PDGFC: variants seen among roughly 807,000 people sequenced by gnomAD.
PDGFC encodes the protein platelet-derived growth factor C.
Under a neutral mutation model 35.5 loss-of-function variants are expected in PDGFC, and 12 were observed. The ratio of observed to expected loss-of-function variants is 0.34; its 90% confidence interval spans 0.22 to 0.55. PDGFC has a LOEUF of 0.55. PDGFC is among the 20% of genes least tolerant of loss of function. The probability of loss-of-function intolerance (pLI) is 0.91; values close to 1 mark genes in which losing one functional copy is unlikely to be tolerated. For synonymous variants in PDGFC, 159 were observed against 148.8 expected (o/e 1.07, Z -0.50); for missense variants, 322 against 412.4 (o/e 0.78, Z 1.90).
intron 2 of PDGFC, among the ~76,000 whole-genome samples, chr4:156,824,399 T>C (rs1048787952): frequency 8.2e-5 from 12 of 146,636 alleles, no homozygotes; most frequent in Non-Finnish European, 1.3e-4. Flanking sequence ...CACATATATA[T>C]ACACACATAT....
intron 1 of PDGFC, among the ~76,000 whole-genome samples, chr4:156,902,850 A>G (rs1730822435): frequency 6.6e-6 from 1 of 152,150 alleles, no homozygotes; most frequent in East Asian, 1.9e-4. Context: ...TTAGCACTCA[A>G]TATTTCTTTC....
intron 1 of PDGFC, among the ~76,000 whole-genome samples, chr4:156,917,183 C>T (rs1486949109): frequency 6.6e-6 from 1 of 152,240 alleles, no homozygotes; most frequent in East Asian, 1.9e-4. Context: ...CCTTCAAGAT[C>T]GATTTTTAAA....
chr4:156,846,986 T>C (rs1729341690), intron 2 of PDGFC, among the ~76,000 whole-genome samples: 1 of 151,742 alleles, frequency 6.6e-6, no homozygotes, highest in Non-Finnish European at 1.5e-5. Flanking sequence ...TTAATAATGA[T>C]AGATTTTGCT....
At chr4:156,894,250 C>G (rs777213293) in intron 1 of PDGFC, among the ~76,000 whole-genome samples, 49 of 152,104 alleles carry the variant, frequency 3.2e-4, no homozygotes, top group Non-Finnish European at 5.9e-4. Flanking sequence ...CAGTTCAAAA[C>G]CTTTTCAGAA....
chr4:156,955,542 GA>G (rs1055272043), intron 1 of PDGFC, among the ~76,000 whole-genome samples: 1 of 151,796 alleles, frequency 6.6e-6, no homozygotes. Context: ...TCAAAGCTGG[GA>G]AAAACCCTAT....
At chr4:156,824,327 T>TATACACACATACACATAC (rs1491500876) in intron 2 of PDGFC, among the ~76,000 whole-genome samples, 1 of 102,844 alleles carries the variant, frequency 9.7e-6, no homozygotes, top group African/African-American at 4.5e-5. Flanking sequence ...TATATATATA[T>TATACACACATACACATAC]ACACACACAC....
chr4:156,772,959 G>T, intron 3 of PDGFC, 66 bp from the exon 4 acceptor site: 1 of 1,063,480 alleles, frequency 9.4e-7, no homozygotes, highest in Non-Finnish European at 1.4e-6. Context: ...CTGGACATAT[G>T]CAAGAAATTA....
intron 3 of PDGFC, among the ~76,000 whole-genome samples, chr4:156,794,371 C>T (rs2110891939): frequency 6.6e-6 from 1 of 152,154 alleles, no homozygotes; most frequent in East Asian, 1.9e-4. Context: ...AAGTTTGCCT[C>T]TTTCCTAAAG....
At chr4:156,911,330 C>A (rs1731034481) in intron 1 of PDGFC, among the ~76,000 whole-genome samples, 1 of 152,050 alleles carries the variant, frequency 6.6e-6, no homozygotes, top group Admixed American at 6.6e-5. Context: ...TAGAGGATAT[C>A]ATATGCTTAG....
intron 1 of PDGFC, among the ~76,000 whole-genome samples, chr4:156,870,402 CTGAA>C (rs981710695): frequency 1.3e-5 from 2 of 152,078 alleles, no homozygotes; most frequent in Admixed American, 1.3e-4. Flanking sequence ...AACCACAAGG[CTGAA>C]GTGAATTTAA....
chr4:156,928,169 T>C (rs1430867305), intron 1 of PDGFC, among the ~76,000 whole-genome samples: 3 of 152,096 alleles, frequency 2.0e-5, no homozygotes, highest in African/African-American at 7.2e-5. Context: ...GTAGGAATTA[T>C]GGGAGCACAA....
rs780536683 is a variant in PDGFC, at chr4:156,970,891, C to G, written c.13G>C (p.Gly5Arg). The change falls in exon 1 of 6, where the codon GGG becomes CGG. Residue 5 changes from glycine (G) to arginine (R), a missense_variant. Physicochemically the swap from Gly to Arg is moderately radical, Grantham distance 125 (BLOSUM62 -2). This residue lies in a region of PDGFC where 120 missense variants were observed against 116.6 expected (regional missense o/e 1.03). Coordinates refer to ENST00000502773, the MANE Select transcript of PDGFC (RefSeq NM_016205.3). MSLF[G>R]LLLLTSALAG... ...AGGGCAGATGTCAGCAGGAGAAGCC[C>G]GAAGAGGCTCATTTGGCTGACTGGG... The G allele has an allele frequency of 5.0e-6, 8 of 1,612,404 alleles. No individual in the cohort carries two copies. The highest frequency in any genetic ancestry group is 1.7e-5 in the Admixed American group (1 of 59,974).
At chr4:156,845,137 T>C (rs1729294418) in intron 2 of PDGFC, among the ~76,000 whole-genome samples, 1 of 151,888 alleles carries the variant, frequency 6.6e-6, no homozygotes, top group African/African-American at 2.4e-5. Context: ...ATTGCTTCTA[T>C]ATAATCTATG....
At chr4:156,814,958 A>G (rs894032440) in intron 2 of PDGFC, among the ~76,000 whole-genome samples, 2 of 152,302 alleles carry the variant, frequency 1.3e-5, no homozygotes, top group East Asian at 1.9e-4. Flanking sequence ...TTGGAAAATA[A>G]TCCTTATGAA....
intron 2 of PDGFC, among the ~76,000 whole-genome samples, chr4:156,815,035 A>G (rs1732042536): frequency 6.6e-6 from 1 of 152,154 alleles, no homozygotes; most frequent in African/African-American, 2.4e-5. Context: ...TCTAGTGCAT[A>G]TATTTATGAC....
intron 1 of PDGFC, among the ~76,000 whole-genome samples, chr4:156,932,588 C>A (rs1175941668): frequency 6.6e-6 from 1 of 151,964 alleles, no homozygotes; most frequent in South Asian, 2.1e-4. Flanking sequence ...GAGTTCATGT[C>A]CTTTGTAGGG....
chr4:156,927,522 T>G (rs1731443401), intron 1 of PDGFC, among the ~76,000 whole-genome samples: 1 of 152,144 alleles, frequency 6.6e-6, no homozygotes, highest in Admixed American at 6.5e-5. Flanking sequence ...CAAGATACCC[T>G]GAATCATCTC....
chr4:156,785,337 G>A (rs531997982), intron 3 of PDGFC, among the ~76,000 whole-genome samples: 1 of 152,072 alleles, frequency 6.6e-6, no homozygotes, highest in Non-Finnish European at 1.5e-5. Flanking sequence ...AAGTAGCTGT[G>A]ATTACAGGGG....
intron 1 of PDGFC, among the ~76,000 whole-genome samples, chr4:156,941,374 C>T (rs1200348646): frequency 1.3e-5 from 2 of 152,056 alleles, no homozygotes; most frequent in African/African-American, 2.4e-5. Context: ...CACGGGATGA[C>T]GGTCAACAAC....
Sources: allele counts gnomAD v4.1 joint callset (sites outside exome capture counted in the v4.1 genomes callset), GRCh38; gene constraint gnomAD v4.1.1; regional missense constraint gnomAD v4.1.1; transcripts MANE v1.5; gene names NCBI Gene and HGNC (gene_info 2026-07-23, HGNC 2026-07-21).